The following ALX4 variants were observed in gnomAD, a reference collection of about 807,000 sequenced individuals.
ALX4 encodes the protein homeobox protein aristaless-like 4.
Under a neutral mutation model 40.6 loss-of-function variants are expected in ALX4, and 22 were observed. That is an observed-to-expected ratio of 0.54 (90% CI 0.39 to 0.77). ALX4 has a LOEUF of 0.77. Among genes scored for constraint, ALX4 ranks in the 30% least tolerant of loss-of-function variants. ALX4 has a pLI of 0.00. For synonymous variants in ALX4, 266 were observed against 240.5 expected (o/e 1.11, Z -0.98); for missense variants, 556 against 564.8 (o/e 0.98, Z 0.16).
Position 44,264,586 on chromosome 11 carries a change from G to C in ALX4, c.*268C>G. On this transcript the variant is annotated 3_prime_UTR_variant, in exon 4 of 4. Coordinates refer to ENST00000652299, the MANE Select transcript of ALX4 (RefSeq NM_021926.4). ...TTCAGCTTATCATGGATGCGAAGCT[G>C]AAAAACGTGGCCACCTGGCTTTCTC... 1.8e-6 allele frequency: 1 copy of C among 568,424 alleles called. No homozygotes were observed. The highest frequency in any genetic ancestry group is 3.1e-6 in the Non-Finnish European group (1 of 318,552). 35.2% of individuals were successfully genotyped at this position (568,424 alleles called of 1,614,324 possible).
At chr11:44,284,732 C>A (rs1045665406) in intron 1 of ALX4, among the ~76,000 whole-genome samples, 11 of 152,220 alleles carry the variant, frequency 7.2e-5, no homozygotes, top group Admixed American at 2.0e-4. Context: ...CTGCGGGCAC[C>A]CTTCCTTCTA....
In ALX4 at chr11:44,309,994, C is replaced by T; in HGVS notation, c.69G>A (p.Pro23=). The T allele has an allele frequency of 6.2e-7, 1 of 1,602,428 alleles. No homozygotes were observed. Among genetic ancestry groups the T allele is most frequent in the Non-Finnish European group, 8.5e-7 (1 of 1,174,762 alleles). ...ACGAGCCCTCCCGACTCTGCGACAC[C>T]GGGCTGTAGTAGGCGTCCATGGCAG... ...PAAAMDAYYS[P]VSQSREGSSP... Residue 23 remains proline (P), a synonymous_variant, in exon 1 of 4, where the codon CCG becomes CCA. Coordinates refer to ENST00000652299, the MANE Select transcript of ALX4 (RefSeq NM_021926.4).
Position 44,265,089 on chromosome 11 carries a change from G to C in ALX4, c.1001C>G (p.Pro334Arg). ...PCDPVPACMS[P>R]HAHPPGSGAS... The stretch of plus-strand genomic sequence containing the variant: ...CCCAGAGCCAGGGGGGTGGGCATGA[G>C]GGGACATGCAGGCAGGCACCGGGTC... Residue 334 changes from proline to arginine, a missense_variant, in exon 4 of 4, where the codon CCT (proline) becomes CGT (arginine). By Grantham distance (103) the Pro-to-Arg change is moderately radical. Coordinates refer to ENST00000652299, the MANE Select transcript of ALX4 (RefSeq NM_021926.4). 1 of 1,612,868 alleles carries C rather than the reference G, an allele frequency of 6.2e-7. No individual in the cohort carries two copies. The highest frequency in any genetic ancestry group is 8.5e-7 in the Non-Finnish European group (1 of 1,179,874).
At chr11:44,294,529 C>T (rs1956391826) in intron 1 of ALX4, among the ~76,000 whole-genome samples, 1 of 152,190 alleles carries the variant, frequency 6.6e-6, no homozygotes, top group Non-Finnish European at 1.5e-5. Flanking sequence ...GCCTGAGGGG[C>T]CTGGGTGGCC....
In ALX4 at chr11:44,292,813, T is replaced by C. The variant is rs898542891; in HGVS notation, c.466+16784A>G. ...ACATGTTAGTTAAAAATGGTTCTTT[T>C]GGCCCCGCATGGTAGCTCATGCCTG... On this transcript the variant is annotated intron_variant, in intron 1 of 3. Transcript: ENST00000652299. Among the ~76,000 whole-genome samples the C allele has an allele frequency of 2.6e-5, 4 of 152,152 alleles. No homozygotes were observed. In the East Asian group the frequency reaches 7.8e-4, roughly 30 times the overall value.
intron 1 of ALX4, among the ~76,000 whole-genome samples, chr11:44,285,687 T>C (rs1162556149): frequency 6.6e-6 from 1 of 152,046 alleles, no homozygotes; most frequent in African/African-American, 2.4e-5. Flanking sequence ...GTCTTTCCTT[T>C]TTTTTTTTTT....
At position 44,275,642 on chromosome 11, in the gene ALX4, C is replaced by A; in HGVS notation, c.483G>T (p.Leu161=). ...QVPCYAKESS[L]GEPELPPDSD... is the part of the protein sequence containing the mutation. ...AGTCAGGGGGTAACTCTGGCTCACC[C>A]AGGGAGCTCTCTTTAGCTGAGGGAG... Residue 161 remains leucine, a synonymous_variant, in exon 2 of 4, where the codon CTG becomes CTT. Transcript: ENST00000652299. 2 of 1,613,276 alleles carry A rather than the reference C, an allele frequency of 1.2e-6. No individual in the cohort carries two copies. Among genetic ancestry groups the A allele is most frequent in the Non-Finnish European group, 8.5e-7 (1 of 1,179,494 alleles).
At chr11:44,305,584 C>T (rs1291293395) in intron 1 of ALX4, among the ~76,000 whole-genome samples, 2 of 152,216 alleles carry the variant, frequency 1.3e-5, no homozygotes, top group African/African-American at 4.8e-5. Flanking sequence ...AGTTCTCTAA[C>T]TAAATTCAAA....
chr11:44,263,700 A>G lies in ALX4; in HGVS notation c.*1154T>C, dbSNP rs1446969543. On this transcript the variant is annotated 3_prime_UTR_variant, in exon 4 of 4. Coordinates refer to ENST00000652299, the MANE Select transcript of ALX4 (RefSeq NM_021926.4). ...CAGGGAGGACAGTCAGTTTGAGGCCATAGCAGGGCCTGGAGGCCGAGCATG... is the reference window on the plus strand; with the variant it reads ...CAGGGAGGACAGTCAGTTTGAGGCCGTAGCAGGGCCTGGAGGCCGAGCATG... The G allele has an allele frequency of 6.6e-6, 1 of 152,328 alleles. No individual in the cohort carries two copies. The highest frequency in any genetic ancestry group is 2.4e-5 in the African/African-American group (1 of 41,482). The allele number at this position is 152,328 out of a possible 1,614,324, so 9.4% of individuals were successfully genotyped here. A position where few individuals can be genotyped will look rare whatever the true frequency, so the allele number is the denominator to read the frequency against.
intron 1 of ALX4, among the ~76,000 whole-genome samples, chr11:44,289,627 C>T (rs1956358221): frequency 6.6e-6 from 1 of 152,146 alleles, no homozygotes; most frequent in Non-Finnish European, 1.5e-5. Flanking sequence ...TCTAAGGGGG[C>T]ATTGCTGAGC....
intron 2 of ALX4, among the ~76,000 whole-genome samples, chr11:44,268,818 G>C (rs1055888788): frequency 2.0e-5 from 3 of 152,208 alleles, no homozygotes; most frequent in Non-Finnish European, 4.4e-5. Context: ...GCCTCTGCCA[G>C]CTTGATGTGC....
chr11:44,306,392 A>G (rs1590705995), intron 1 of ALX4, among the ~76,000 whole-genome samples: 1 of 152,346 alleles, frequency 6.6e-6, no homozygotes, highest in South Asian at 2.1e-4. Flanking sequence ...GGCTTGGCCC[A>G]GGCTCAGCTG....
intron 1 of ALX4, among the ~76,000 whole-genome samples, chr11:44,309,243 G>A (rs2119921979): frequency 1.2e-5 from 1 of 84,496 alleles, no homozygotes; most frequent in African/African-American, 3.6e-5. Flanking sequence ...CCAGAGCGCT[G>A]CGCGGAGACT....
intron 2 of ALX4, 116 bp downstream of exon 2, chr11:44,275,232 T>C (rs865999526): frequency 1.9e-6 from 2 of 1,078,494 alleles, no homozygotes; most frequent in Non-Finnish European, 2.8e-6. Flanking sequence ...CTCAATGAAC[T>C]GAGGAAAGGA....
chr11:44,291,560 C>T (rs572780945), intron 1 of ALX4, among the ~76,000 whole-genome samples: 3 of 152,072 alleles, frequency 2.0e-5, no homozygotes, highest in Admixed American at 6.5e-5. Flanking sequence ...AGGCACATGC[C>T]GCCACACCTG....
At chr11:44,281,568 G>A (rs1003063782) in intron 1 of ALX4, among the ~76,000 whole-genome samples, 1 of 152,048 alleles carries the variant, frequency 6.6e-6, no homozygotes, top group Non-Finnish European at 1.5e-5. Context: ...ACACCCTGTG[G>A]CGGAGTGCAC....
intron 1 of ALX4, among the ~76,000 whole-genome samples, chr11:44,288,147 C>T (rs1406686987): frequency 6.6e-6 from 1 of 152,108 alleles, no homozygotes; most frequent in Non-Finnish European, 1.5e-5. Context: ...CTCGACCTCC[C>T]AAAGTGCTGG....
chr11:44,292,034 G>C (rs1464256976), intron 1 of ALX4, among the ~76,000 whole-genome samples: 1 of 151,318 alleles, frequency 6.6e-6, no homozygotes, highest in East Asian at 2.0e-4. Context: ...GGCCAGGCTG[G>C]TCTTGAACTC....
At chr11:44,267,461 G>A (rs376834139) in intron 3 of ALX4, 33 bp downstream of exon 3, 396 of 1,611,886 alleles carry the variant, frequency 2.5e-4, no homozygotes, top group Middle Eastern at 8.4e-4. Flanking sequence ...CAGGGGCTGG[G>A]GATCGGTGGC....
Sources: gnomAD v4.1 joint callset for allele counts (sites outside exome capture counted in the v4.1 genomes callset) on GRCh38, gnomAD v4.1.1 for gene constraint, MANE v1.5 for transcripts, NCBI Gene and HGNC (gene_info 2026-07-23, HGNC 2026-07-21) for gene names.